The following RUNX1T1 variants were observed in gnomAD, a reference collection of about 807,000 sequenced individuals.
RUNX1T1 encodes the protein protein CBFA2T1.
A neutral mutation model predicts 62.8 loss-of-function variants in RUNX1T1; 4 were observed. That is an observed-to-expected ratio of 0.06 (90% confidence interval 0.03 to 0.15). RUNX1T1 has a LOEUF of 0.15. Ranked by LOEUF, RUNX1T1 falls within the 10% of genes least tolerant of loss-of-function variation. The probability of loss-of-function intolerance (pLI) is 1.00; values close to 1 mark genes in which losing one functional copy is unlikely to be tolerated. For missense variants in RUNX1T1, 508 were observed against 754.3 expected, an observed-to-expected ratio of 0.67 and a Z score of 3.82; for synonymous variants, 291 against 286.0, an observed-to-expected ratio of 1.02 and a Z score of -0.18.
intron 6 of RUNX1T1, among the ~76,000 whole-genome samples, chr8:91,990,550 C>G (rs1404197432): frequency 6.6e-6 from 1 of 152,126 alleles, no homozygotes; most frequent in Non-Finnish European, 1.5e-5. Flanking sequence ...AACCACTGAT[C>G]ATATGTTTAA....
intron 1 of RUNX1T1, among the ~76,000 whole-genome samples, chr8:92,077,988 A>G (rs1440965232): frequency 4.6e-5 from 7 of 152,184 alleles, no homozygotes. Context: ...ATCTATTTTA[A>G]TCAGAGTTTT....
At chr8:91,970,240 G>T (rs1185993776) in intron 10 of RUNX1T1, among the ~76,000 whole-genome samples, 1 of 152,272 alleles carries the variant, frequency 6.6e-6, no homozygotes, top group Non-Finnish European at 1.5e-5. Flanking sequence ...AGGACCAATA[G>T]CTAAGGCAGT....
At chr8:92,075,338 C>G (rs1587491336) in intron 2 of RUNX1T1, among the ~76,000 whole-genome samples, 1 of 152,358 alleles carries the variant, frequency 6.6e-6, no homozygotes, top group East Asian at 1.9e-4. Context: ...TTCAGGGCTT[C>G]CTTGAATTTT....
At chr8:92,076,022 C>T in exon 2 of RUNX1T1, 1 of 1,611,494 alleles carries the variant, frequency 6.2e-7, no homozygotes, top group Non-Finnish European at 8.5e-7. Flanking sequence ...AAACTCAGTG[C>T]TCTCCAAGTG....
upstream of RUNX1T1, chr8:92,103,037 GC>G (rs1396081526): frequency 2.2e-5 from 15 of 692,136 alleles, no homozygotes; most frequent in Non-Finnish European, 3.1e-5. Flanking sequence ...GCGGAGTCGC[GC>G]CGCGGAGCGA....
chr8:91,973,277 AAGGG>A (rs1813233704), intron 9 of RUNX1T1, among the ~76,000 whole-genome samples: 1 of 151,900 alleles, frequency 6.6e-6, no homozygotes, highest in South Asian at 2.1e-4. Flanking sequence ...AAGAGGATGA[AAGGG>A]AGGAAAAGAG....
At chr8:92,015,034 T>C (rs931798440) in intron 2 of RUNX1T1, among the ~76,000 whole-genome samples, 5 of 152,218 alleles carry the variant, frequency 3.3e-5, no homozygotes, top group African/African-American at 1.2e-4. Context: ...GATGGTATCC[T>C]GCACAGAGGC....
upstream of RUNX1T1, among the ~76,000 whole-genome samples, chr8:92,066,490 T>C (rs752928174): frequency 5.3e-5 from 8 of 152,232 alleles, no homozygotes; most frequent in Non-Finnish European, 7.3e-5. Flanking sequence ...CTGGAAGCTA[T>C]TAGTGTTTTC....
At chr8:92,020,253 C>T (rs1234722826) in intron 1 of RUNX1T1, among the ~76,000 whole-genome samples, 8 of 152,170 alleles carry the variant, frequency 5.3e-5, no homozygotes, top group Admixed American at 5.2e-4. Flanking sequence ...TTCAAGTATG[C>T]TGAGCCCTGT....
chr8:91,982,918 CTTTTTTTTTTTT>C (rs56135737), intron 8 of RUNX1T1, among the ~76,000 whole-genome samples: 1 of 59,634 alleles, frequency 1.7e-5, no homozygotes, highest in East Asian at 5.5e-4. Flanking sequence ...TAGGAAAATA[CTTTTTTTTTTTT>C]TTTTTTTTTT....
chr8:92,024,513 A>AT, intron 1 of RUNX1T1, among the ~76,000 whole-genome samples: 1 of 150,654 alleles, frequency 6.6e-6, no homozygotes, highest in African/African-American at 2.4e-5. Flanking sequence ...AAAAAAAAAA[A>AT]AAAAAAAAAA....
chr8:92,008,404 A>T (rs1300218999), intron 4 of RUNX1T1, among the ~76,000 whole-genome samples: 36 of 150,758 alleles, frequency 2.4e-4, no homozygotes, highest in African/African-American at 6.8e-4. Context: ...ACACACACAC[A>T]CACACACACA....
intron 1 of RUNX1T1, among the ~76,000 whole-genome samples, chr8:92,038,046 CTTT>C (rs941927727): frequency 2.1e-4 from 31 of 149,984 alleles, no homozygotes; most frequent in Admixed American, 1.8e-3. Context: ...CAAAATTCTT[CTTT>C]ATTTATTTAT....
upstream of RUNX1T1, among the ~76,000 whole-genome samples, chr8:92,100,592 T>C (rs1837989704): frequency 6.6e-6 from 1 of 152,116 alleles, no homozygotes; most frequent in African/African-American, 2.4e-5. Context: ...GACTTCAACT[T>C]CTTCAGCATC....
chr8:92,078,134 C>T (rs1176298713), intron 1 of RUNX1T1, among the ~76,000 whole-genome samples: 2 of 151,494 alleles, frequency 1.3e-5, no homozygotes, highest in Non-Finnish European at 1.5e-5. Context: ...TCTAAAGTCA[C>T]CCATGAGGAT....
At chr8:92,025,609 C>T (rs1250656033) in intron 1 of RUNX1T1, among the ~76,000 whole-genome samples, 1 of 152,212 alleles carries the variant, frequency 6.6e-6, no homozygotes, top group African/African-American at 2.4e-5. Context: ...CCCAAGTTCT[C>T]ATATTAGACT....
At chr8:91,955,084 G>A (rs555812183), downstream of RUNX1T1, 564 of 210,702 alleles carry the variant, frequency 2.7e-3, 1 homozygote, top group Non-Finnish European at 4.0e-3. Context: ...ATAGCTCAAT[G>A]TTCTTTCACG....
At chr8:92,084,870 T>C (rs1386040944) in intron 1 of RUNX1T1, among the ~76,000 whole-genome samples, 1 of 151,964 alleles carries the variant, frequency 6.6e-6, no homozygotes, top group Non-Finnish European at 1.5e-5. Flanking sequence ...CATCCTCATA[T>C]CCCCCAGTGT....
intron 5 of RUNX1T1, among the ~76,000 whole-genome samples, chr8:91,992,501 T>C (rs1266660464): frequency 6.6e-6 from 1 of 152,222 alleles, no homozygotes; most frequent in Non-Finnish European, 1.5e-5. Flanking sequence ...GTGGCTTCAG[T>C]AGTGGACTGC....
Sources: allele counts gnomAD v4.1 joint callset (sites outside exome capture counted in the v4.1 genomes callset), GRCh38; gene constraint gnomAD v4.1.1; transcripts MANE v1.5; gene names NCBI Gene and HGNC (gene_info 2026-07-23, HGNC 2026-07-21).